GRIA4: variants seen among roughly 807,000 people sequenced by gnomAD.
The protein encoded by GRIA4 is glutamate receptor 4.
A neutral mutation model predicts 104.0 loss-of-function variants in GRIA4; 34 were observed. The observed-to-expected ratio is 0.33, with a 90% confidence interval of 0.25 to 0.44. GRIA4 has a LOEUF of 0.44. GRIA4 is among the 20% of genes least tolerant of loss of function. GRIA4 has a pLI of 1.00. For synonymous variants in GRIA4, 386 were observed against 381.9 expected (o/e 1.01, Z -0.13); for missense variants, 750 against 1,096.5 (o/e 0.68, Z 4.46).
At chr11:105,824,776 T>C (rs1943705571) in intron 4 of GRIA4, 1 of 152,130 alleles carries the variant, frequency 6.6e-6, no homozygotes, top group Non-Finnish European at 1.5e-5. Flanking sequence ...GCCTTATCTT[T>C]GAAGTATCTC....
chr11:105,729,499 C>G (rs1361172978), intron 3 of GRIA4, among the ~76,000 whole-genome samples: 1 of 152,178 alleles, frequency 6.6e-6, no homozygotes, highest in Non-Finnish European at 1.5e-5. Context: ...TCCTCCCTAA[C>G]TCATTTTATG....
chr11:105,805,478 G>GAAAAAAAAAAAAAA (rs57123559), intron 4 of GRIA4, among the ~76,000 whole-genome samples: 189 of 92,410 alleles, frequency 2.0e-3, no homozygotes, highest in African/African-American at 3.1e-3. Context: ...AAGAAATCAG[G>GAAAAAAAAAAAAAA]AAAAAAAAAA....
At position 105,887,554 on chromosome 11, in the gene GRIA4, T is replaced by C. The variant is rs747033186; in HGVS notation, c.708T>C (p.His236=). 1.2e-5 allele frequency: 17 copies of C among 1,446,478 alleles called. No homozygotes were observed. Among genetic ancestry groups the C allele is most frequent in the African/African-American group, 1.4e-5 (1 of 71,220 alleles). 89.6% of individuals were successfully genotyped at this position (1,446,478 alleles called of 1,614,324 possible). ...VSVGKHVKGY[H]YIIANLGFKD... is the part of the protein sequence containing the mutation. The stretch of plus-strand genomic sequence containing the variant: ...TTGGAAAGCATGTTAAAGGCTACCA[T>C]TATATCATTGCAAACTTGGTAAGAA... Residue 236 remains histidine (H), a synonymous_variant, in exon 6 of 17, where the codon CAT becomes CAC. Transcript: ENST00000282499.
intron 8 of GRIA4, among the ~76,000 whole-genome samples, chr11:105,904,757 T>C (rs1406021693): frequency 6.6e-6 from 1 of 152,176 alleles, no homozygotes; most frequent in Non-Finnish European, 1.5e-5. Flanking sequence ...TTTTCAAAAA[T>C]GTCCTTATAC....
chr11:105,812,147 A>T (rs17104577), intron 4 of GRIA4, among the ~76,000 whole-genome samples: 3,009 of 152,196 alleles, frequency 0.02, 54 homozygotes, highest in East Asian at 0.055. Flanking sequence ...GAACATATTC[A>T]TTTTTTTCAC....
chr11:105,830,107 A>G (rs658965), intron 4 of GRIA4, among the ~76,000 whole-genome samples: 83,615 of 151,778 alleles, frequency 0.55, 23,526 homozygotes, highest in African/African-American at 0.67. Flanking sequence ...GCTTAACATC[A>G]AAGATCTTCC....
rs757407914 is a variant in GRIA4, at chr11:105,903,894, C to A, written c.966C>A (p.Ile322=). The A allele has an allele frequency of 3.1e-6, 5 of 1,612,588 alleles. No homozygotes were observed. Among genetic ancestry groups the A allele is most frequent in the Admixed American group, 1.7e-5 (1 of 59,992 alleles). Residue 322 remains isoleucine, a synonymous_variant, in exon 8 of 17, where the codon ATC becomes ATA. Transcript: ENST00000282499. The part of the protein sequence containing the change: ...FRSLRRQKID[I]SRRGNAGDCL... Reference sequence around the variant, plus strand: ...GTCTTAGGAGGCAGAAAATTGATATCTCAAGGAGAGGAAATGCTGGGGATT... The same window carrying A: ...GTCTTAGGAGGCAGAAAATTGATATATCAAGGAGAGGAAATGCTGGGGATT...
chr11:105,859,646 C>T (rs944769906), intron 4 of GRIA4, among the ~76,000 whole-genome samples: 3 of 151,998 alleles, frequency 2.0e-5, no homozygotes. Flanking sequence ...TTTAGAGTAT[C>T]GTGCCAAGCT....
intron 3 of GRIA4, among the ~76,000 whole-genome samples, chr11:105,662,514 G>C (rs1348454764): frequency 6.6e-6 from 1 of 151,820 alleles, no homozygotes; most frequent in Admixed American, 6.6e-5. Context: ...CCAAAGTGGA[G>C]AGTTCAAGTT....
intron 4 of GRIA4, among the ~76,000 whole-genome samples, chr11:105,786,666 A>G (rs1317304420): frequency 6.6e-6 from 1 of 152,072 alleles, no homozygotes; most frequent in Non-Finnish European, 1.5e-5. Flanking sequence ...TTTTTATTAA[A>G]CGTGTATGTG....
At chr11:105,721,012 A>G (rs921913957) in intron 3 of GRIA4, among the ~76,000 whole-genome samples, 10 of 152,178 alleles carry the variant, frequency 6.6e-5, no homozygotes, top group Non-Finnish European at 2.9e-5. Flanking sequence ...TGATGAATAT[A>G]TGCTCATGGA....
chr11:105,783,744 T>G (rs1941830600), intron 4 of GRIA4, among the ~76,000 whole-genome samples: 1 of 145,474 alleles, frequency 6.9e-6, no homozygotes, highest in South Asian at 2.2e-4. Flanking sequence ...TGGATGTTAT[T>G]TGTGTGTGTG....
intron 3 of GRIA4, among the ~76,000 whole-genome samples, chr11:105,718,347 T>C (rs1299046953): frequency 1.3e-5 from 2 of 152,182 alleles, no homozygotes; most frequent in African/African-American, 4.8e-5. Context: ...AATTCACAGA[T>C]GACTGATGCC....
chr11:105,767,179 G>A (rs2135732243), intron 4 of GRIA4, among the ~76,000 whole-genome samples: 1 of 152,182 alleles, frequency 6.6e-6, no homozygotes, highest in Middle Eastern at 3.4e-3. Flanking sequence ...AAGCAACAAA[G>A]GACTGGAGCA....
At chr11:105,849,007 T>C (rs541672022) in intron 4 of GRIA4, among the ~76,000 whole-genome samples, 2 of 152,134 alleles carry the variant, frequency 1.3e-5, no homozygotes, top group South Asian at 4.1e-4. Context: ...ACCCTCAACA[T>C]GGCGACAACC....
At chr11:105,802,661 T>C (rs1400186360) in intron 4 of GRIA4, among the ~76,000 whole-genome samples, 1 of 152,000 alleles carries the variant, frequency 6.6e-6, no homozygotes, top group Non-Finnish European at 1.5e-5. Flanking sequence ...TTTTTACAAA[T>C]AAAAATATTG....
chr11:105,942,052 C>T (rs753395973), intron 14 of GRIA4, among the ~76,000 whole-genome samples: 1 of 151,954 alleles, frequency 6.6e-6, no homozygotes. Context: ...ATTGCTAGTG[C>T]CTTTAGCATA....
At chr11:105,825,459 C>A (rs982876675) in intron 4 of GRIA4, among the ~76,000 whole-genome samples, 1 of 152,078 alleles carries the variant, frequency 6.6e-6, no homozygotes, top group Non-Finnish European at 1.5e-5. Context: ...ATAAACATTT[C>A]TATCCAACAA....
At chr11:105,658,962 G>T (rs1951925697) in intron 3 of GRIA4, among the ~76,000 whole-genome samples, 1 of 151,874 alleles carries the variant, frequency 6.6e-6, no homozygotes, top group Non-Finnish European at 1.5e-5. Flanking sequence ...CCAATAAAAT[G>T]ATATTCAACT....
Sources: gnomAD v4.1 joint callset for allele counts (sites outside exome capture counted in the v4.1 genomes callset) on GRCh38, gnomAD v4.1.1 for gene constraint, MANE v1.5 for transcripts, NCBI Gene and HGNC (gene_info 2026-07-23, HGNC 2026-07-21) for gene names.